Variants in FRMD6 observed in about 807,000 individuals in gnomAD.
FRMD6 encodes the protein FERM domain containing 6, also known as FERM domain-containing protein 6.
In FRMD6, 37 loss-of-function variants were observed where a neutral mutation model predicts 73.2. The ratio of observed to expected loss-of-function variants is 0.51; its 90% confidence interval spans 0.39 to 0.66. The LOEUF (loss-of-function observed/expected upper bound fraction) is 0.66, where lower values mean the gene tolerates loss of function less well. Ranked by LOEUF, FRMD6 falls within the 30% of genes least tolerant of loss-of-function variation. The probability of loss-of-function intolerance (pLI) is 0.00; values close to 1 mark genes in which losing one functional copy is unlikely to be tolerated. For missense variants in FRMD6, 714 were observed against 780.5 expected, an observed-to-expected ratio of 0.91 and a Z score of 1.02; for synonymous variants, 273 against 282.2, an observed-to-expected ratio of 0.97 and a Z score of 0.33.
At chr14:51,590,314 C>T (rs756857959) in intron 2 of FRMD6, among the ~76,000 whole-genome samples, 1 of 152,154 alleles carries the variant, frequency 6.6e-6, no homozygotes, top group South Asian at 2.1e-4. Context: ...TTCTCAGAGG[C>T]AGCCTCTTCG....
At chr14:51,463,794 G>A in the FRMD6 span, among the ~76,000 whole-genome samples, 2 of 152,142 alleles carry the variant, frequency 1.3e-5, no homozygotes, top group African/African-American at 2.4e-5. Flanking sequence ...AGTTATAAAT[G>A]TTTTCCTGAG....
At chr14:51,565,677 A>G (rs1002420909) in intron 1 of FRMD6, among the ~76,000 whole-genome samples, 10 of 151,922 alleles carry the variant, frequency 6.6e-5, no homozygotes, top group African/African-American at 1.9e-4. Context: ...GGCTCTGAAG[A>G]TCTAGCCCAA....
intron 1 of FRMD6, among the ~76,000 whole-genome samples, chr14:51,497,016 A>G (rs932713593): frequency 6.6e-6 from 1 of 152,200 alleles, no homozygotes; most frequent in African/African-American, 2.4e-5. Flanking sequence ...TACACCCACC[A>G]TACAATGTTG....
chr14:51,538,634 C>T (rs997858570), intron 1 of FRMD6, among the ~76,000 whole-genome samples: 11 of 152,096 alleles, frequency 7.2e-5, no homozygotes, highest in East Asian at 3.9e-4. Context: ...GTTGTTCTGG[C>T]GCAATTTATT....
At chr14:51,498,443 G>A (rs1883425805) in intron 1 of FRMD6, among the ~76,000 whole-genome samples, 1 of 152,208 alleles carries the variant, frequency 6.6e-6, no homozygotes, top group Admixed American at 6.5e-5. Flanking sequence ...AGAGTAACAA[G>A]TGATTCCGAC....
chr14:51,467,479 G>A, the FRMD6 span, among the ~76,000 whole-genome samples: 2 of 152,208 alleles, frequency 1.3e-5, no homozygotes, highest in African/African-American at 4.8e-5. Context: ...TGAGCTGTTG[G>A]GTACACCTCC....
At chr14:51,540,719 G>GGTTA (rs35038930) in intron 1 of FRMD6, among the ~76,000 whole-genome samples, 90,617 of 151,456 alleles carry the variant, frequency 0.6, 29,617 homozygotes, top group African/African-American at 0.87. Flanking sequence ...ATTTTTAGTT[G>GGTTA]GAGTAGATAA....
intron 2 of FRMD6, among the ~76,000 whole-genome samples, chr14:51,609,872 G>C (rs1173462355): frequency 6.6e-6 from 1 of 152,066 alleles, no homozygotes; most frequent in African/African-American, 2.4e-5. Context: ...TCCAAAATAG[G>C]CACATACACA....
At chr14:51,436,889 G>C in the FRMD6 span, 1 of 929,708 alleles carries the variant, frequency 1.1e-6, no homozygotes, top group Non-Finnish European at 1.6e-6. Flanking sequence ...TGAAGAAGGG[G>C]ATGAGGATGA....
chr14:51,556,546 T>C (rs1005797220), intron 1 of FRMD6, among the ~76,000 whole-genome samples: 1 of 152,188 alleles, frequency 6.6e-6, no homozygotes, highest in Non-Finnish European at 1.5e-5. Context: ...TCAGCAACTC[T>C]TCCTTTTTAT....
Position 51,529,175 on chromosome 14 carries a change from A to T in FRMD6, c.-210+39755A>T, listed in dbSNP as rs928950608. 3.9e-5 allele frequency among the ~76,000 whole-genome samples: 6 copies of T among 152,224 alleles called. No homozygotes were observed. The East Asian group carries it at 1.2e-3, about 29-fold the overall frequency. ...CTCTAAATGGGGAAGAAAACACTTT[A>T]TAGTGTCTGAAAGCATATATTATGG... On this transcript the variant is annotated intron_variant, in intron 1 of 14. Coordinates refer to the FRMD6 transcript ENST00000356218.
intron 1 of FRMD6, among the ~76,000 whole-genome samples, chr14:51,556,174 G>A (rs1398282818): frequency 1.3e-5 from 2 of 152,202 alleles, no homozygotes; most frequent in Non-Finnish European, 2.9e-5. Flanking sequence ...TGAAGGCTTA[G>A]ACTGGAATCA....
At position 51,645,254 on chromosome 14, in the gene FRMD6, G is replaced by A. The variant is rs116047703; in HGVS notation, c.-146-44437G>A. The stretch of plus-strand genomic sequence containing the variant: ...AGAGGAGAAACAGCGATCTTATGTC[G>A]GGTGTTTCAAGGTACTGTCTTCCTT... On this transcript the variant is annotated intron_variant, in intron 2 of 14. Coordinates refer to the FRMD6 transcript ENST00000356218. Among the ~76,000 whole-genome samples, 365 of 152,218 alleles carry A rather than the reference G, an allele frequency of 2.4e-3. 1 individual carries two copies. Among genetic ancestry groups the A allele is most frequent in the African/African-American group, 8.1e-3 (336 of 41,528 alleles).
chr14:51,533,173 C>T (rs1040739643), intron 1 of FRMD6, among the ~76,000 whole-genome samples: 3 of 152,180 alleles, frequency 2.0e-5, no homozygotes, highest in African/African-American at 7.2e-5. Context: ...AGAGGAATTA[C>T]AATGCCAGAT....
chr14:51,459,027 G>C, the FRMD6 span, among the ~76,000 whole-genome samples: 17 of 152,308 alleles, frequency 1.1e-4, no homozygotes, highest in East Asian at 1.4e-3. Flanking sequence ...TGTCAGAAGC[G>C]TACGGAGCAT....
intron 1 of FRMD6, among the ~76,000 whole-genome samples, chr14:51,500,381 G>A (rs767040679): frequency 2.0e-5 from 3 of 152,002 alleles, no homozygotes; most frequent in Non-Finnish European, 4.4e-5. Flanking sequence ...ACACAAATTA[G>A]CCAGGCGTGG....
intron 2 of FRMD6, among the ~76,000 whole-genome samples, chr14:51,635,236 A>G (rs939469880): frequency 3.3e-5 from 5 of 152,186 alleles, no homozygotes; most frequent in African/African-American, 4.8e-5. Flanking sequence ...TCAAATAAAT[A>G]AATAAGCAAG....
the FRMD6 span, among the ~76,000 whole-genome samples, chr14:51,441,173 G>A: frequency 4.5e-4 from 68 of 152,322 alleles, no homozygotes; most frequent in Middle Eastern, 0.031. Flanking sequence ...GCCAGAGGGC[G>A]GGACCTCCTC....
intron 1 of FRMD6, among the ~76,000 whole-genome samples, chr14:51,498,273 A>T (rs1474277940): frequency 6.6e-6 from 1 of 152,182 alleles, no homozygotes; most frequent in African/African-American, 2.4e-5. Context: ...TATTTTGCTG[A>T]TTGTTTCAAA....
Sources: gnomAD v4.1 joint callset for allele counts (sites outside exome capture counted in the v4.1 genomes callset) on GRCh38, gnomAD v4.1.1 for gene constraint, MANE v1.5 for transcripts, NCBI Gene and HGNC (gene_info 2026-07-23, HGNC 2026-07-21) for gene names.